C6: variants seen among roughly 807,000 people sequenced by gnomAD.
C6 encodes the protein complement component C6.
In C6, 101 loss-of-function variants were observed where a neutral mutation model predicts 112.9. The ratio of observed to expected loss-of-function variants is 0.89; its 90% CI spans 0.76 to 1.06. C6 has a LOEUF of 1.06. C6 is among the 50% of genes least tolerant of loss of function. C6 has a pLI of 0.00. For synonymous variants in C6, 431 were observed against 384.1 expected, an observed-to-expected ratio of 1.12 and a Z score of -1.43; for missense variants, 1,202 against 1,104.6, an observed-to-expected ratio of 1.09 and a Z score of -1.25.
chr5:41,239,363 C>T (rs907612062), intron 1 of C6, among the ~76,000 whole-genome samples: 10 of 152,024 alleles, frequency 6.6e-5, no homozygotes, highest in East Asian at 1.9e-4. Flanking sequence ...CCACCTGCCT[C>T]GGCCTCCCAA....
chr5:41,241,748 G>A (rs1232895468), intron 1 of C6, among the ~76,000 whole-genome samples: 1 of 152,162 alleles, frequency 6.6e-6, no homozygotes, highest in Non-Finnish European at 1.5e-5. Context: ...GTTTCAAAGT[G>A]GATGCTACTA....
intron 6 of C6, among the ~76,000 whole-genome samples, chr5:41,185,762 A>G (rs920089703): frequency 2.0e-5 from 3 of 152,154 alleles, no homozygotes; most frequent in African/African-American, 4.8e-5. Flanking sequence ...GTGTGGAGCT[A>G]TTTTAGAGCT....
chr5:41,212,542 A>C (rs1752013931), intron 1 of C6, among the ~76,000 whole-genome samples: 1 of 152,116 alleles, frequency 6.6e-6, no homozygotes, highest in South Asian at 2.1e-4. Context: ...ATGGTTTCTT[A>C]TTTATTAATT....
At chr5:41,192,294 T>A (rs1052144553) in intron 5 of C6, among the ~76,000 whole-genome samples, 1 of 152,154 alleles carries the variant, frequency 6.6e-6, no homozygotes, top group African/African-American at 2.4e-5. Flanking sequence ...TTTGCTAGTA[T>A]TTTGCTGAGG....
rs568239578 is a variant in C6 at position 41,181,236 on chromosome 5, CTTA to C, written c.927+120_927+122del. 30 of 859,442 alleles carry C rather than the reference CTTA, an allele frequency of 3.5e-5. No homozygotes were observed. In the East Asian group the frequency reaches 7.5e-4, roughly 21 times the overall value. 53.2% of individuals were successfully genotyped at this position (859,442 alleles called of 1,614,324 possible). On this transcript the variant is annotated intron_variant, in intron 7 of 17. Transcript: ENST00000337836. ...GATATAACAAAAAATGGAAAAATTA[CTTA>C]AATCTGTATTAGAAGTCATACTGGT... is the stretch of plus-strand genomic sequence containing the variant.
chr5:41,154,250 C>G (rs903912374), intron 14 of C6, among the ~76,000 whole-genome samples: 1 of 152,184 alleles, frequency 6.6e-6, no homozygotes, highest in Admixed American at 6.5e-5. Flanking sequence ...ACACATCCAA[C>G]TTTTATGAAA....
At chr5:41,182,243 A>G (rs897788363) in intron 6 of C6, among the ~76,000 whole-genome samples, 1 of 151,454 alleles carries the variant, frequency 6.6e-6, no homozygotes, top group Admixed American at 6.6e-5. Context: ...GTTGATGGGC[A>G]ATATGTCACT....
At chr5:41,162,438 AAC>A in intron 9 of C6, among the ~76,000 whole-genome samples, 1 of 152,316 alleles carries the variant, frequency 6.6e-6, no homozygotes, top group East Asian at 1.9e-4. Context: ...AAGCACAACT[AAC>A]ACAGAAAAAA....
intron 5 of C6, among the ~76,000 whole-genome samples, chr5:41,189,435 T>C (rs1330221111): frequency 1.3e-5 from 2 of 152,084 alleles, no homozygotes; most frequent in African/African-American, 2.4e-5. Context: ...TGGGTTGTTA[T>C]TCTCTCATAC....
At chr5:41,161,513 T>C (rs1016334806) in intron 10 of C6, among the ~76,000 whole-genome samples, 180 bp downstream of exon 10, 1 of 152,136 alleles carries the variant, frequency 6.6e-6, no homozygotes, top group African/African-American at 2.4e-5. Flanking sequence ...CTTGTTTGAA[T>C]AGCAAACGCA....
intron 4 of C6, 113 bp from the exon 5 acceptor site, chr5:41,196,046 C>T (rs1176325257): frequency 3.2e-6 from 4 of 1,268,856 alleles, no homozygotes; most frequent in Non-Finnish European, 3.3e-6. Context: ...GGCAAGTCTT[C>T]ACTGTTTTTG....
At chr5:41,209,512 C>A (rs12516790) in intron 1 of C6, among the ~76,000 whole-genome samples, 13,366 of 152,268 alleles carry the variant, frequency 0.088, 701 homozygotes, top group Admixed American at 0.17. Context: ...TGATAAGCAA[C>A]TTCAGCAAAG....
chr5:41,260,576 C>A (rs1002354667), intron 1 of C6, among the ~76,000 whole-genome samples: 1 of 151,782 alleles, frequency 6.6e-6, no homozygotes, highest in African/African-American at 2.4e-5. Flanking sequence ...TCGAGACCAG[C>A]CTGACCAACA....
At chr5:41,242,180 A>G (rs146912324) in intron 1 of C6, among the ~76,000 whole-genome samples, 1 of 152,284 alleles carries the variant, frequency 6.6e-6, no homozygotes, top group East Asian at 1.9e-4. Flanking sequence ...TTGAATTGTA[A>G]TCACCATAAT....
chr5:41,250,929 A>G (rs1741315013), intron 1 of C6, among the ~76,000 whole-genome samples: 1 of 152,228 alleles, frequency 6.6e-6, no homozygotes, highest in South Asian at 2.1e-4. Context: ...AAGCCTTTCA[A>G]TATCTTAATT....
intron 8 of C6, chr5:41,172,747 T>C (rs1306985684): frequency 3.8e-5 from 11 of 287,572 alleles, no homozygotes; most frequent in Non-Finnish European, 6.8e-5. Flanking sequence ...ATCAAAAGAT[T>C]ATGACGTGCT....
At chr5:41,210,265 TA>T (rs1377195845) in intron 1 of C6, among the ~76,000 whole-genome samples, 3 of 152,166 alleles carry the variant, frequency 2.0e-5, no homozygotes, top group Non-Finnish European at 4.4e-5. Context: ...ATAAAAACCC[TA>T]GAAGAAAACC....
chr5:41,173,172 A>G (rs987039555), intron 8 of C6, among the ~76,000 whole-genome samples: 12 of 152,154 alleles, frequency 7.9e-5, no homozygotes, highest in African/African-American at 2.9e-4. Flanking sequence ...TGCTGCTTTC[A>G]TTGGATGACT....
chr5:41,225,475 C>A (rs543363930), intron 1 of C6, among the ~76,000 whole-genome samples: 2 of 152,268 alleles, frequency 1.3e-5, no homozygotes, highest in African/African-American at 4.8e-5. Flanking sequence ...CATTGTTGGA[C>A]ATTTGGGTTG....
Sources: gnomAD v4.1 joint callset for allele counts (sites outside exome capture counted in the v4.1 genomes callset) on GRCh38, gnomAD v4.1.1 for gene constraint, MANE v1.5 for transcripts, NCBI Gene and HGNC (gene_info 2026-07-23, HGNC 2026-07-21) for gene names.